Variants in DEPDC1B observed in about 807,000 individuals in gnomAD.
The protein encoded by DEPDC1B is DEP domain-containing protein 1B.
In DEPDC1B, 51 loss-of-function variants were observed where a neutral mutation model predicts 66.5. The ratio of observed to expected loss-of-function variants is 0.77; its 90% CI spans 0.61 to 0.97. The LOEUF is 0.97. Among genes scored for constraint, DEPDC1B ranks in the 50% least tolerant of loss-of-function variants. The probability of loss-of-function intolerance (pLI) is 0.00; values close to 1 mark genes in which losing one functional copy is unlikely to be tolerated. For synonymous variants in DEPDC1B, 226 were observed against 223.6 expected (o/e 1.01, Z -0.10); for missense variants, 552 against 637.1 (o/e 0.87, Z 1.44).
At chr5:60,640,497 AT>A (rs1561370653) in intron 6 of DEPDC1B, among the ~76,000 whole-genome samples, 1 of 152,110 alleles carries the variant, frequency 6.6e-6, no homozygotes, top group Non-Finnish European at 1.5e-5. Context: ...ATATTTAAAA[AT>A]TTTTTTTATA....
At chr5:60,686,765 T>C (rs1754421195) in intron 2 of DEPDC1B, among the ~76,000 whole-genome samples, 197 bp downstream of exon 2, 1 of 152,240 alleles carries the variant, frequency 6.6e-6, no homozygotes, top group South Asian at 2.1e-4. Flanking sequence ...AGCTCTGGTA[T>C]GCTCTAAGAA....
At chr5:60,620,094 A>C (rs1465242252) in intron 7 of DEPDC1B, among the ~76,000 whole-genome samples, 1 of 152,226 alleles carries the variant, frequency 6.6e-6, no homozygotes, top group African/African-American at 2.4e-5. Flanking sequence ...CATATGTAGA[A>C]AGCTGAAACT....
Position 60,645,554 on chromosome 5 carries a change from G to T in DEPDC1B, c.516C>A (p.Val172=), listed in dbSNP as rs777733482. The T allele has an allele frequency of 1.9e-6, 3 of 1,613,198 alleles. No homozygotes were observed. The East Asian group carries it at 6.7e-5, about 36-fold the overall frequency. The change falls in exon 4 of 11, where the codon GTC becomes GTA. Residue 172 remains valine, a synonymous_variant. Transcript: ENST00000265036. ...AIGEVPACRL[V]HRRQLTEANV... is the part of the protein sequence containing the mutation. ...TGGCCTCTGTCAGCTGTCTGCGGTG[G>T]ACAAGACGGCAAGCTGGCACCTCTC...
At chr5:60,687,983 G>A (rs1459085538) in intron 1 of DEPDC1B, 1 of 154,014 alleles carries the variant, frequency 6.5e-6, no homozygotes, top group Non-Finnish European at 1.5e-5. Flanking sequence ...AGAACATACA[G>A]TAAATAATGA....
chr5:60,616,307 G>C (rs1752552974), intron 7 of DEPDC1B, among the ~76,000 whole-genome samples: 1 of 152,324 alleles, frequency 6.6e-6, no homozygotes, highest in African/African-American at 2.4e-5. Context: ...ACTTTGACGA[G>C]TTGAGAGCAG....
chr5:60,635,420 G>A (rs1753022169), intron 7 of DEPDC1B, among the ~76,000 whole-genome samples: 1 of 152,218 alleles, frequency 6.6e-6, no homozygotes, highest in Non-Finnish European at 1.5e-5. Context: ...AACCTATTGA[G>A]TTAAATGATC....
chr5:60,687,175 C>T lies in DEPDC1B; in HGVS notation c.101G>A (p.Arg34His), dbSNP rs143548430. 26 of 1,613,922 alleles carry T rather than the reference C, an allele frequency of 1.6e-5. No individual in the cohort carries two copies. In the Middle Eastern group the frequency reaches 5.0e-4, roughly 31 times the overall value. Residue 34 changes from arginine to histidine, a missense_variant, in exon 2 of 11, where the codon CGC (arginine) becomes CAC (histidine). Arg to His is a conservative substitution (Grantham distance 29). Transcript: ENST00000265036. ...FRAKMPLRKH[R>H]CRFKSYEHCF... ...ATGCTCATAGCTCTTGAAACGACAG[C>T]GATGTTTCCGTAACGGCATCTTAGC...
intron 1 of DEPDC1B, among the ~76,000 whole-genome samples, chr5:60,692,365 A>G (rs868206300): frequency 4.4e-4 from 67 of 152,214 alleles, no homozygotes; most frequent in African/African-American, 1.6e-3. Flanking sequence ...GGTGATGGAT[A>G]TGGTAATTAG....
intron 7 of DEPDC1B, among the ~76,000 whole-genome samples, chr5:60,612,440 A>T (rs1374990404): frequency 1.3e-5 from 2 of 149,062 alleles, no homozygotes; most frequent in Non-Finnish European, 3.0e-5. Context: ...AAAAAAAAAT[A>T]GAATTATGCT....
intron 8 of DEPDC1B, among the ~76,000 whole-genome samples, chr5:60,604,594 G>A (rs759855651): frequency 3.3e-5 from 5 of 151,628 alleles, no homozygotes; most frequent in Admixed American, 1.3e-4. Flanking sequence ...TACTTTTATC[G>A]CTGACAATCT....
chr5:60,663,177 A>T (rs1286823434), intron 2 of DEPDC1B, among the ~76,000 whole-genome samples: 1 of 152,198 alleles, frequency 6.6e-6, no homozygotes, highest in East Asian at 1.9e-4. Flanking sequence ...AAGTCTGGGC[A>T]ACAAAACGAC....
At chr5:60,651,796 G>C (rs543307324) in intron 2 of DEPDC1B, among the ~76,000 whole-genome samples, 1 of 152,304 alleles carries the variant, frequency 6.6e-6, no homozygotes. Flanking sequence ...ATAAATTTCA[G>C]TACAACTGTC....
chr5:60,604,767 G>A (rs1457954725), intron 8 of DEPDC1B, among the ~76,000 whole-genome samples: 1 of 152,102 alleles, frequency 6.6e-6, no homozygotes, highest in East Asian at 1.9e-4. Flanking sequence ...TGATCGCCTT[G>A]AAACTGCATG....
intron 2 of DEPDC1B, among the ~76,000 whole-genome samples, chr5:60,668,000 T>C (rs1177353489): frequency 9.0e-6 from 1 of 111,286 alleles, no homozygotes; most frequent in Non-Finnish European, 1.7e-5. Flanking sequence ...ATTATATATA[T>C]AAAATGGATA....
chr5:60,652,327 C>G (rs921697627), intron 2 of DEPDC1B, among the ~76,000 whole-genome samples: 2 of 149,068 alleles, frequency 1.3e-5, no homozygotes, highest in Non-Finnish European at 2.9e-5. Flanking sequence ...TCAGCCAAAA[C>G]CGGTCTGGAG....
At chr5:60,600,268 G>A (rs1752177824) in intron 9 of DEPDC1B, among the ~76,000 whole-genome samples, 1 of 152,114 alleles carries the variant, frequency 6.6e-6, no homozygotes, top group Non-Finnish European at 1.5e-5. Context: ...AGGGATAAGG[G>A]AGAAGAGAGA....
intron 7 of DEPDC1B, among the ~76,000 whole-genome samples, chr5:60,617,797 A>T (rs1752596915): frequency 6.6e-6 from 1 of 152,238 alleles, no homozygotes; most frequent in Non-Finnish European, 1.5e-5. Context: ...CCTAATAGAC[A>T]TCTACAGAAC....
At chr5:60,694,054 G>A (rs1017687148) in intron 1 of DEPDC1B, among the ~76,000 whole-genome samples, 3 of 151,986 alleles carry the variant, frequency 2.0e-5, no homozygotes. Context: ...CAGTTCTGTT[G>A]TTCTTTTAAT....
At chr5:60,672,667 CAGT>C (rs1320061128) in intron 2 of DEPDC1B, among the ~76,000 whole-genome samples, 1 of 152,082 alleles carries the variant, frequency 6.6e-6, no homozygotes, top group Non-Finnish European at 1.5e-5. Context: ...TCTTGGTGAC[CAGT>C]ATATCCTAAA....
Sources: allele counts gnomAD v4.1 joint callset (sites outside exome capture counted in the v4.1 genomes callset), GRCh38; gene constraint gnomAD v4.1.1; transcripts MANE v1.5; gene names NCBI Gene and HGNC (gene_info 2026-07-23, HGNC 2026-07-21).